SGK1: variants seen among roughly 807,000 people sequenced by gnomAD.
SGK1 encodes serine/threonine-protein kinase Sgk1.
A neutral mutation model predicts 64.2 loss-of-function variants in SGK1; 26 were observed. The ratio of observed to expected loss-of-function variants is 0.40; its 90% CI spans 0.30 to 0.56. The LOEUF (loss-of-function observed/expected upper bound fraction) is 0.56, where lower values mean the gene tolerates loss of function less well. Among genes scored for constraint, SGK1 ranks in the 20% least tolerant of loss-of-function variants. SGK1 has a pLI of 0.38. For missense variants in SGK1, 519 were observed against 645.6 expected, an observed-to-expected ratio of 0.80 and a Z score of 2.12; for synonymous variants, 265 against 239.7, an observed-to-expected ratio of 1.11 and a Z score of -0.98.
At chr6:134,277,476 C>T (rs1271010041) in intron 1 of SGK1, among the ~76,000 whole-genome samples, 2 of 152,086 alleles carry the variant, frequency 1.3e-5, no homozygotes, top group East Asian at 1.9e-4. Context: ...AAATGGAGCA[C>T]GAAATGACCA....
At chr6:134,247,520 A>G (rs2114731693) in intron 2 of SGK1, among the ~76,000 whole-genome samples, 1 of 152,370 alleles carries the variant, frequency 6.6e-6, no homozygotes, top group Non-Finnish European at 1.5e-5. Context: ...TTAAGTGCAC[A>G]GTATATGTCA....
rs557889692 is a variant in SGK1, at chr6:134,236,092, T to C, written c.285+25841A>G. Among the ~76,000 whole-genome samples the C allele has an allele frequency of 3.9e-5, 6 of 152,250 alleles. No homozygotes were observed. The East Asian group carries it at 7.7e-4, about 20-fold the overall frequency. ...GATGATTCTATTAGTTCTTGACTTTTCTGTATATATTTTAATGTACAGTAA... is the reference window on the plus strand; with the variant it reads ...GATGATTCTATTAGTTCTTGACTTTCCTGTATATATTTTAATGTACAGTAA... On this transcript the variant is annotated intron_variant, in intron 2 of 13. Transcript: ENST00000367858.
intron 2 of SGK1, among the ~76,000 whole-genome samples, chr6:134,225,969 A>C (rs1016242499): frequency 6.6e-6 from 1 of 152,006 alleles, no homozygotes; most frequent in African/African-American, 2.4e-5. Flanking sequence ...TTAGCTGTGC[A>C]CAGTGGCACA....
At chr6:134,197,645 G>A (rs549856515) in intron 3 of SGK1, among the ~76,000 whole-genome samples, 1 of 151,926 alleles carries the variant, frequency 6.6e-6, no homozygotes, top group Non-Finnish European at 1.5e-5. Context: ...GGCCAACATG[G>A]TGAAACTTAA....
chr6:134,180,233 T>C (rs1397831869), intron 3 of SGK1: 4 of 152,086 alleles, frequency 2.6e-5, no homozygotes, highest in Non-Finnish European at 5.9e-5. Context: ...GGATTATAAG[T>C]ATAAGCCACT....
Position 134,178,780 on chromosome 6 carries a change from A to G in SGK1, c.362-4194T>C, listed in dbSNP as rs118136327. 2.2e-3 allele frequency among the ~76,000 whole-genome samples: 329 copies of G among 152,272 alleles called. 1 individual carries two copies. The highest frequency in any genetic ancestry group is 0.01 in the Middle Eastern group (3 of 294). On this transcript the variant is annotated intron_variant, in intron 3 of 13. Transcript: ENST00000367858. Reference sequence around the variant, plus strand: ...CACCTTGTGCAGTCATAGAAAATATAGACGGCTTGATAGGAGATAGGCTAA... The same window carrying G: ...CACCTTGTGCAGTCATAGAAAATATGGACGGCTTGATAGGAGATAGGCTAA...
intron 2 of SGK1, among the ~76,000 whole-genome samples, chr6:134,254,683 C>A (rs1414727984): frequency 6.6e-6 from 1 of 152,176 alleles, no homozygotes; most frequent in Non-Finnish European, 1.5e-5. Flanking sequence ...ATACATACTT[C>A]CACGTCTTTT....
intron 11 of SGK1, 42 bp downstream of exon 11, chr6:134,171,595 A>T: frequency 7.2e-7 from 1 of 1,380,004 alleles, no homozygotes; most frequent in Non-Finnish European, 1.0e-6. Context: ...GCAATATTGT[A>T]GGGAGCAGGC....
chr6:134,170,234 C>G lies in SGK1; in HGVS notation c.*34G>C, dbSNP rs182230788. ...GCTAACTAAAACATTCGGAAACACA[C>G]ATAAAATCCTTTAAAACCAAGCCCT... On this transcript the variant is annotated 3_prime_UTR_variant, in exon 14 of 14. Coordinates refer to ENST00000367858, the MANE Select transcript of SGK1 (RefSeq NM_001143676.3). 41 of 1,560,796 alleles carry G rather than the reference C, an allele frequency of 2.6e-5. No individual in the cohort carries two copies. The highest frequency in any genetic ancestry group is 2.6e-4 in the Admixed American group (14 of 54,902).
intron 1 of SGK1, chr6:134,298,201 C>A: frequency 1.3e-6 from 2 of 1,546,738 alleles, no homozygotes; most frequent in Non-Finnish European, 1.8e-6. Context: ...CTGCATGTTG[C>A]CAAGCTCTGC....
chr6:134,172,086 G>C (rs1775045954), intron 10 of SGK1, 107 bp downstream of exon 10: 1 of 1,221,896 alleles, frequency 8.2e-7, no homozygotes, highest in Non-Finnish European at 1.2e-6. Flanking sequence ...ACTGTATTAA[G>C]AAGTCTCTGA....
At chr6:134,297,737 G>A (rs1327670434) in intron 1 of SGK1, 6 of 466,322 alleles carry the variant, frequency 1.3e-5, no homozygotes, top group Non-Finnish European at 2.0e-5. Flanking sequence ...TTCTGACCTC[G>A]TGATCAGCCT....
intron 1 of SGK1, among the ~76,000 whole-genome samples, chr6:134,314,086 C>G (rs4896040): frequency 0.051 from 7,834 of 152,252 alleles, 457 homozygotes; most frequent in East Asian, 0.27. Flanking sequence ...GAACTCTTAT[C>G]CAGTTTAGTT....
chr6:134,193,588 G>A (rs1775548728), intron 3 of SGK1, among the ~76,000 whole-genome samples: 1 of 150,124 alleles, frequency 6.7e-6, no homozygotes, highest in Admixed American at 6.7e-5. Flanking sequence ...TTTCTTCTTT[G>A]TTCTGTTCTC....
intron 1 of SGK1, among the ~76,000 whole-genome samples, chr6:134,295,188 G>A (rs1017789304): frequency 6.6e-6 from 1 of 152,144 alleles, no homozygotes; most frequent in African/African-American, 2.4e-5. Flanking sequence ...GTGCAGTTGG[G>A]GAAGAGTAAG....
rs1775077885 is a variant in SGK1 at position 134,172,897 on chromosome 6, G to T, written c.835-123C>A. On this transcript the variant is annotated intron_variant, in intron 8 of 13. Transcript: ENST00000367858. ...AATCTATTAACTATAAACCTGACAG[G>T]TTGAAGGAAATGCTAATTCTGGTAA... 5.5e-6 allele frequency: 7 copies of T among 1,279,644 alleles called. No homozygotes were observed. The East Asian group carries it at 1.4e-4, about 25-fold the overall frequency. 79.3% of individuals were successfully genotyped at this position (1,279,644 alleles called of 1,614,324 possible). A position where few individuals can be genotyped will look rare whatever the true frequency, so the allele number is the denominator to read the frequency against.
Position 134,172,701 on chromosome 6 carries a change from C to A in SGK1, c.908G>T (p.Ser303Ile), listed in dbSNP as rs1281485901. ...CAGTGAATGCAGGTAGCCCAAGGCA[C>A]TGGCTATTTCAGCAGCATAGAAACG... ...RARFYAAEIA[S>I]ALGYLHSLNI... is the part of the protein sequence containing the mutation. The change falls in exon 9 of 14, where the codon AGT becomes ATT. Residue 303 changes from serine (S) to isoleucine (I), a missense_variant. Coordinates refer to ENST00000367858, the MANE Select transcript of SGK1 (RefSeq NM_001143676.3). 6.2e-7 allele frequency: 1 copy of A among 1,613,894 alleles called. No homozygotes were observed. Among genetic ancestry groups the A allele is most frequent in the Admixed American group, 1.7e-5 (1 of 60,008 alleles).
chr6:134,309,922 AT>A (rs1260076797), intron 1 of SGK1, among the ~76,000 whole-genome samples: 6 of 152,248 alleles, frequency 3.9e-5, no homozygotes, highest in African/African-American at 1.4e-4. Flanking sequence ...CTTTAAAAAT[AT>A]GCTTCTACAA....
intron 1 of SGK1, chr6:134,297,415 C>T: frequency 1.4e-6 from 1 of 719,032 alleles, no homozygotes; most frequent in Non-Finnish European, 2.5e-6. Flanking sequence ...TGCTCGGCAT[C>T]TGCGATGGCA....
Sources: allele counts gnomAD v4.1 joint callset (sites outside exome capture counted in the v4.1 genomes callset), GRCh38; gene constraint gnomAD v4.1.1; transcripts MANE v1.5; gene names NCBI Gene and HGNC (gene_info 2026-07-23, HGNC 2026-07-21).